Variants in FRMD4A observed in about 807,000 individuals in gnomAD.
FRMD4A encodes the protein FERM domain-containing protein 4A.
A neutral mutation model predicts 129.1 loss-of-function variants in FRMD4A; 29 were observed. That is an observed-to-expected ratio of 0.22 (90% CI 0.17 to 0.31). The LOEUF (loss-of-function observed/expected upper bound fraction) is 0.31. Among genes scored for constraint, FRMD4A ranks in the 10% least tolerant of loss-of-function variants. The probability of loss-of-function intolerance (pLI) is 1.00; values close to 1 mark genes in which losing one functional copy is unlikely to be tolerated. For missense variants in FRMD4A, 1,272 were observed against 1,375.8 expected (o/e 0.92, Z 1.19); for synonymous variants, 634 against 571.6 (o/e 1.11, Z -1.56).
At chr10:13,697,681 C>T (rs1162615132) in intron 14 of FRMD4A, among the ~76,000 whole-genome samples, 2 of 152,008 alleles carry the variant, frequency 1.3e-5, no homozygotes, top group Non-Finnish European at 1.5e-5. Flanking sequence ...TCCCTGTCCC[C>T]CTTTGACTCT....
intron 23 of FRMD4A, 89 bp from the exon 24 acceptor site, chr10:13,652,063 T>C: frequency 2.5e-6 from 2 of 792,916 alleles, no homozygotes; most frequent in Admixed American, 3.5e-5. Flanking sequence ...TAGTAGCTTA[T>C]TAATATATCC....
intron 2 of FRMD4A, among the ~76,000 whole-genome samples, chr10:14,268,000 A>G (rs1218342): frequency 0.19 from 29,140 of 152,126 alleles, 3,394 homozygotes; most frequent in African/African-American, 0.32. Flanking sequence ...TGGGTTTTAA[A>G]ATTTATAAAA....
chr10:13,684,410 A>G (rs973495047), intron 15 of FRMD4A: 4 of 985,024 alleles, frequency 4.1e-6, no homozygotes, highest in African/African-American at 3.5e-5. Flanking sequence ...CCCTGGAGAC[A>G]CTGCCTGTGT....
intron 6 of FRMD4A, among the ~76,000 whole-genome samples, chr10:13,775,101 C>T (rs1274891609): frequency 6.6e-6 from 1 of 152,100 alleles, no homozygotes; most frequent in Non-Finnish European, 1.5e-5. Context: ...AGTGGGAGGC[C>T]ATGCCCAGCA....
At chr10:14,208,899 C>T (rs1842859825) in intron 2 of FRMD4A, among the ~76,000 whole-genome samples, 1 of 152,138 alleles carries the variant, frequency 6.6e-6, no homozygotes, top group Non-Finnish European at 1.5e-5. Context: ...GAACTTTTTC[C>T]CCTCCCAAAC....
At chr10:13,779,596 A>G (rs1424479053) in intron 6 of FRMD4A, among the ~76,000 whole-genome samples, 7 of 152,162 alleles carry the variant, frequency 4.6e-5, no homozygotes. Flanking sequence ...TCAGAAAAAC[A>G]TCTGTTAATT....
intron 2 of FRMD4A, among the ~76,000 whole-genome samples, chr10:13,955,406 C>T: frequency 6.6e-6 from 1 of 152,182 alleles, no homozygotes; most frequent in South Asian, 2.1e-4. Context: ...CTATGCTTGG[C>T]CTAATTCTGC....
chr10:14,227,790 A>C (rs1843496788), intron 2 of FRMD4A, among the ~76,000 whole-genome samples: 1 of 152,204 alleles, frequency 6.6e-6, no homozygotes, highest in Non-Finnish European at 1.5e-5. Flanking sequence ...TTCCTGGCTC[A>C]TAGTAGGTGT....
chr10:14,241,526 T>G lies in FRMD4A; in HGVS notation c.45+88532A>C, dbSNP rs182352578. ...TTTAATTCTTGGTTAAAAAGTAGTC[T>G]TCTATTCTTGGAAAGCAGAAGTACA... On this transcript the variant is annotated intron_variant, in intron 2 of 24. Transcript: ENST00000357447. Among the ~76,000 whole-genome samples the G allele has an allele frequency of 2.3e-3, 346 of 151,750 alleles. 3 individuals are homozygous for G. The highest frequency in any genetic ancestry group is 1.5e-3 in the Non-Finnish European group (102 of 67,888).
At chr10:13,730,678 T>C (rs970413129) in intron 12 of FRMD4A, among the ~76,000 whole-genome samples, 1 of 151,992 alleles carries the variant, frequency 6.6e-6, no homozygotes, top group Non-Finnish European at 1.5e-5. Flanking sequence ...TAAAATGGAA[T>C]GTGGTAACTA....
rs116414565 is a variant in FRMD4A at position 13,720,573 on chromosome 10, C to T, written c.760-13460G>A. 8.4e-3 allele frequency among the ~76,000 whole-genome samples: 1,282 copies of T among 152,076 alleles called. 19 individuals are homozygous for T. The highest frequency in any genetic ancestry group is 0.029 in the African/African-American group (1,207 of 41,452). On this transcript the variant is annotated intron_variant, in intron 12 of 24. Transcript: ENST00000357447. ...ACATTCTTATGAAGGGAGAGGTGGG[C>T]AAATAAATAAGAAATAAATAAGAAA...
At chr10:13,982,486 G>T (rs1015456517) in intron 2 of FRMD4A, among the ~76,000 whole-genome samples, 4 of 140,880 alleles carry the variant, frequency 2.8e-5, no homozygotes, top group African/African-American at 1.0e-4. Context: ...GAGGGGAGGG[G>T]AGGGGAGGGG....
At chr10:13,727,711 C>G (rs1265329371) in intron 12 of FRMD4A, 1 of 151,986 alleles carries the variant, frequency 6.6e-6, no homozygotes, top group East Asian at 1.9e-4. Context: ...ACGGCCCTAG[C>G]TCTGAGAGAC....
chr10:13,699,498 G>T (rs762169414), intron 14 of FRMD4A, among the ~76,000 whole-genome samples: 3 of 152,158 alleles, frequency 2.0e-5, no homozygotes, highest in Non-Finnish European at 4.4e-5. Flanking sequence ...AAAGCCATAA[G>T]AACAAGTTTC....
At chr10:13,804,763 T>C (rs1018853248) in intron 4 of FRMD4A, among the ~76,000 whole-genome samples, 7 of 150,972 alleles carry the variant, frequency 4.6e-5, no homozygotes, top group Non-Finnish European at 7.4e-5. Flanking sequence ...TTTCACCATG[T>C]TGGCCAGGAT....
At chr10:14,278,747 T>C (rs1230572468) in intron 2 of FRMD4A, among the ~76,000 whole-genome samples, 2 of 152,158 alleles carry the variant, frequency 1.3e-5, no homozygotes, top group African/African-American at 4.8e-5. Context: ...ACACTTTACA[T>C]CTCCCAAGCT....
intron 2 of FRMD4A, among the ~76,000 whole-genome samples, chr10:14,016,065 G>A (rs1229141737): frequency 2.0e-5 from 3 of 152,190 alleles, no homozygotes; most frequent in African/African-American, 4.8e-5. Context: ...CTCAAACTCA[G>A]CTCCTCTCTG....
intron 2 of FRMD4A, among the ~76,000 whole-genome samples, chr10:13,873,671 C>G (rs556466839): frequency 6.6e-6 from 1 of 152,100 alleles, no homozygotes; most frequent in Non-Finnish European, 1.5e-5. Flanking sequence ...CTCAGCCTCC[C>G]GAGCAGCTGA....
rs191001163 is a variant in FRMD4A, at chr10:14,043,111, A to C, written c.46-184199T>G. On this transcript the variant is annotated intron_variant, in intron 2 of 24. Coordinates refer to ENST00000357447, the MANE Select transcript of FRMD4A (RefSeq NM_018027.5). ...AGAGATGGGAGAGGAGAGAGAGAAA[A>C]AATTTTTTAAAGCATCCTTTTACTT... 3.3e-3 allele frequency among the ~76,000 whole-genome samples: 501 copies of C among 152,170 alleles called. 4 individuals are homozygous for C. The highest frequency in any genetic ancestry group is 0.012 in the African/African-American group (485 of 41,510).
Sources: allele counts gnomAD v4.1 joint callset (sites outside exome capture counted in the v4.1 genomes callset), GRCh38; gene constraint gnomAD v4.1.1; transcripts MANE v1.5; gene names NCBI Gene and HGNC (gene_info 2026-07-23, HGNC 2026-07-21).